SUGCT: variants seen among roughly 807,000 people sequenced by gnomAD.
SUGCT encodes the protein succinyl-CoA:glutarate-CoA transferase.
Under a neutral mutation model 55.0 loss-of-function variants are expected in SUGCT, and 41 were observed. The observed-to-expected ratio is 0.74, with a 90% CI of 0.58 to 0.97. The LOEUF (loss-of-function observed/expected upper bound fraction) is 0.97, where lower values mean the gene tolerates loss of function less well. SUGCT is among the 50% of genes least tolerant of loss of function. The probability of loss-of-function intolerance (pLI) is 0.00; values close to 1 mark genes in which losing one functional copy is unlikely to be tolerated. For synonymous variants in SUGCT, 187 were observed against 200.4 expected, an observed-to-expected ratio of 0.93 and a Z score of 0.56; for missense variants, 568 against 547.8, an observed-to-expected ratio of 1.04 and a Z score of -0.37.
chr7:40,940,407 T>C, the SUGCT span, among the ~76,000 whole-genome samples: 3 of 152,142 alleles, frequency 2.0e-5, no homozygotes, highest in Non-Finnish European at 4.4e-5. Flanking sequence ...TTTTTTCTAA[T>C]CCTGTGAAAA....
chr7:40,455,384 A>G (rs1789426107), intron 10 of SUGCT, among the ~76,000 whole-genome samples: 1 of 152,212 alleles, frequency 6.6e-6, no homozygotes, highest in African/African-American at 2.4e-5. Context: ...TAAATATATG[A>G]ATTAACAGAA....
intron 1 of SUGCT, among the ~76,000 whole-genome samples, chr7:40,176,961 CAAAAAAAA>C (rs4051102): frequency 2.0e-5 from 2 of 100,322 alleles, no homozygotes; most frequent in Non-Finnish European, 4.3e-5. Context: ...ACTCCGTCTC[CAAAAAAAA>C]AAAAAAAAAA....
At chr7:40,736,891 A>G (rs1317314550) in intron 12 of SUGCT, among the ~76,000 whole-genome samples, 3 of 152,224 alleles carry the variant, frequency 2.0e-5, no homozygotes, top group Admixed American at 6.5e-5. Flanking sequence ...AGGAAGAGAG[A>G]ATATAGCCAC....
chr7:40,314,398 C>T (rs901155718), intron 8 of SUGCT, among the ~76,000 whole-genome samples: 1 of 151,942 alleles, frequency 6.6e-6, no homozygotes, highest in African/African-American at 2.4e-5. Context: ...AGCAACAGAG[C>T]CCCTTAGAGA....
chr7:40,957,771 A>C, the SUGCT span, among the ~76,000 whole-genome samples: 8 of 151,766 alleles, frequency 5.3e-5, no homozygotes, highest in African/African-American at 1.9e-4. Flanking sequence ...TGGACTTTAC[A>C]TTTTTGTATG....
the SUGCT span, among the ~76,000 whole-genome samples, chr7:41,016,064 C>T: frequency 6.6e-6 from 1 of 152,146 alleles, no homozygotes; most frequent in East Asian, 1.9e-4. Flanking sequence ...TGTATCTTTT[C>T]ATAGGACAAA....
intron 12 of SUGCT, among the ~76,000 whole-genome samples, chr7:40,639,886 G>T (rs181365414): frequency 6.6e-6 from 1 of 151,966 alleles, no homozygotes; most frequent in East Asian, 1.9e-4. Context: ...GTTCTTAGTC[G>T]ATACTCAATA....
chr7:40,903,366 G>C, the SUGCT span, among the ~76,000 whole-genome samples: 1 of 152,176 alleles, frequency 6.6e-6, no homozygotes, highest in Admixed American at 6.5e-5. Context: ...ATTATGGAAA[G>C]TAAATGGGGA....
intron 12 of SUGCT, among the ~76,000 whole-genome samples, chr7:40,736,960 G>A (rs1211878045): frequency 6.6e-6 from 1 of 152,050 alleles, no homozygotes; most frequent in African/African-American, 2.4e-5. Context: ...CATACAGTAA[G>A]CTAAAAATCA....
intron 9 of SUGCT, among the ~76,000 whole-genome samples, chr7:40,370,333 A>C (rs1365838697): frequency 1.3e-5 from 2 of 152,052 alleles, no homozygotes; most frequent in Non-Finnish European, 2.9e-5. Flanking sequence ...TTCAGGGGAG[A>C]TCTGTAGGGC....
At chr7:40,751,384 G>A (rs900628872) in intron 13 of SUGCT, among the ~76,000 whole-genome samples, 1 of 152,044 alleles carries the variant, frequency 6.6e-6, no homozygotes, top group African/African-American at 2.4e-5. Context: ...TAAAGCCGGC[G>A]GTCAGGTTAG....
chr7:40,904,897 G>C, the SUGCT span, among the ~76,000 whole-genome samples: 1 of 152,096 alleles, frequency 6.6e-6, no homozygotes, highest in Non-Finnish European at 1.5e-5. Context: ...CCAATATCCA[G>C]ATTTAGTACA....
At chr7:40,715,871 A>G (rs1321685555) in intron 12 of SUGCT, among the ~76,000 whole-genome samples, 1 of 152,114 alleles carries the variant, frequency 6.6e-6, no homozygotes, top group Non-Finnish European at 1.5e-5. Flanking sequence ...CTCTTGGACC[A>G]TAGTTTTCTT....
intron 12 of SUGCT, among the ~76,000 whole-genome samples, chr7:40,672,131 G>T (rs780882708): frequency 6.6e-6 from 1 of 152,038 alleles, no homozygotes; most frequent in African/African-American, 2.4e-5. Context: ...ACATCCATAG[G>T]CAATACAAAA....
At chr7:40,741,806 T>G (rs1250597963) in intron 12 of SUGCT, among the ~76,000 whole-genome samples, 4 of 152,166 alleles carry the variant, frequency 2.6e-5, no homozygotes, top group African/African-American at 7.2e-5. Context: ...AACAATGTTA[T>G]GAGAAAAAGC....
intron 9 of SUGCT, among the ~76,000 whole-genome samples, chr7:40,377,132 T>TTC: frequency 1.4e-4 from 1 of 6,968 alleles, no homozygotes. Flanking sequence ...GCCTTCCTCT[T>TTC]TCTTTCTTTC....
intron 9 of SUGCT, among the ~76,000 whole-genome samples, chr7:40,353,086 T>A (rs1797717832): frequency 6.6e-6 from 1 of 152,218 alleles, no homozygotes; most frequent in South Asian, 2.1e-4. Flanking sequence ...TTGAAAAGTG[T>A]CTGTGTCCTT....
chr7:40,625,079 C>A, intron 12 of SUGCT, among the ~76,000 whole-genome samples: 1 of 152,004 alleles, frequency 6.6e-6, no homozygotes, highest in Non-Finnish European at 1.5e-5. Flanking sequence ...GCCTCAATCC[C>A]CCATTTCATA....
At chr7:40,254,781 C>T (rs1391675834) in intron 7 of SUGCT, among the ~76,000 whole-genome samples, 1 of 151,846 alleles carries the variant, frequency 6.6e-6, no homozygotes, top group African/African-American at 2.4e-5. Context: ...CTCTATCATT[C>T]AAATGCCTTT....
Sources: allele counts gnomAD v4.1 joint callset (sites outside exome capture counted in the v4.1 genomes callset), GRCh38; gene constraint gnomAD v4.1.1; transcripts MANE v1.5; gene names NCBI Gene and HGNC (gene_info 2026-07-23, HGNC 2026-07-21).